DIAPH3: variants seen among roughly 807,000 people sequenced by gnomAD.
The protein encoded by DIAPH3 is diaphanous related formin 3.
DIAPH3 carries 117 observed loss-of-function variants against 144.3 expected under a neutral mutation model. That is an observed-to-expected ratio of 0.81 (90% CI 0.70 to 0.95). DIAPH3 has a LOEUF of 0.95. DIAPH3 is among the 40% of genes least tolerant of loss of function. The pLI, the probability that DIAPH3 is intolerant of heterozygous loss-of-function variation, is 0.00. For missense variants in DIAPH3, 1,421 were observed against 1,412.7 expected (o/e 1.01, Z -0.09); for synonymous variants, 519 against 488.9 (o/e 1.06, Z -0.81).
intron 27 of DIAPH3, among the ~76,000 whole-genome samples, chr13:59,721,535 T>C (rs2035344763): frequency 6.6e-6 from 1 of 152,158 alleles, no homozygotes; most frequent in African/African-American, 2.4e-5. Context: ...AAGAACTAGG[T>C]GAATTGACGG....
At chr13:59,743,180 A>G (rs1413740958) in intron 27 of DIAPH3, among the ~76,000 whole-genome samples, 1 of 152,170 alleles carries the variant, frequency 6.6e-6, no homozygotes, top group Non-Finnish European at 1.5e-5. Context: ...TTTGGCAGTG[A>G]TAGTATGAAG....
chr13:60,056,399 A>G (rs1352994576), intron 4 of DIAPH3, among the ~76,000 whole-genome samples: 1 of 151,792 alleles, frequency 6.6e-6, no homozygotes, highest in African/African-American at 2.4e-5. Flanking sequence ...TGTGTTTTCT[A>G]TACATGGATC....
At chr13:60,144,863 GGT>G (rs1437030261) in intron 1 of DIAPH3, 1 of 152,202 alleles carries the variant, frequency 6.6e-6, no homozygotes, top group African/African-American at 2.4e-5. Flanking sequence ...CTTGATTAGA[GGT>G]GCTACTCTTG....
chr13:59,816,550 T>C (rs2040781219), intron 24 of DIAPH3, among the ~76,000 whole-genome samples: 2 of 151,702 alleles, frequency 1.3e-5, no homozygotes, highest in Admixed American at 6.6e-5. Context: ...TAGCAATATA[T>C]CTAATTAACT....
intron 27 of DIAPH3, among the ~76,000 whole-genome samples, chr13:59,699,703 C>A (rs967137611): frequency 3.3e-5 from 5 of 152,176 alleles, no homozygotes; most frequent in African/African-American, 1.2e-4. Flanking sequence ...CATGCAGTGA[C>A]CTCCTATGGA....
chr13:59,812,890 T>C (rs972183573), intron 24 of DIAPH3, among the ~76,000 whole-genome samples: 7 of 152,188 alleles, frequency 4.6e-5, no homozygotes, highest in Non-Finnish European at 8.8e-5. Flanking sequence ...CAAGCACCTT[T>C]GTTTCGAACT....
At chr13:60,030,569 G>GTAAC (rs2054712677) in intron 5 of DIAPH3, among the ~76,000 whole-genome samples, 2 of 151,960 alleles carry the variant, frequency 1.3e-5, no homozygotes, top group Admixed American at 1.3e-4. Flanking sequence ...CATGTACTCT[G>GTAAC]ATCTTCTCTC....
intron 4 of DIAPH3, among the ~76,000 whole-genome samples, chr13:60,090,471 C>T (rs2057894078): frequency 6.6e-6 from 1 of 151,966 alleles, no homozygotes; most frequent in Admixed American, 6.6e-5. Flanking sequence ...CACTGTTAGA[C>T]ATCAGTACTA....
intron 22 of DIAPH3, among the ~76,000 whole-genome samples, chr13:59,847,672 A>G (rs1259329967): frequency 6.6e-6 from 1 of 152,222 alleles, no homozygotes; most frequent in African/African-American, 2.4e-5. Flanking sequence ...GTGTACATGT[A>G]CATGGGAGGG....
chr13:60,034,882 C>G (rs940343187), intron 5 of DIAPH3: 6 of 152,118 alleles, frequency 3.9e-5, no homozygotes, highest in Non-Finnish European at 8.8e-5. Flanking sequence ...CATACATGAG[C>G]TCTCGTAGTT....
At chr13:59,916,310 G>T in intron 18 of DIAPH3, 61 bp from the exon 19 acceptor site, 1 of 1,231,590 alleles carries the variant, frequency 8.1e-7, no homozygotes, top group Non-Finnish European at 1.2e-6. Flanking sequence ...TATTTCAGAT[G>T]TAGTTCTATT....
chr13:59,775,945 A>G (rs2038391706), intron 25 of DIAPH3, among the ~76,000 whole-genome samples: 2 of 152,228 alleles, frequency 1.3e-5, no homozygotes, highest in African/African-American at 4.8e-5. Flanking sequence ...CAAAGAGAAC[A>G]GGAGAAAAAG....
chr13:59,925,923 C>G (rs1334433838), intron 17 of DIAPH3, among the ~76,000 whole-genome samples: 1 of 151,924 alleles, frequency 6.6e-6, no homozygotes, highest in Non-Finnish European at 1.5e-5. Flanking sequence ...TCTTTTTCTT[C>G]TAATGGTTTA....
At chr13:60,001,330 G>A (rs1324365280) in intron 9 of DIAPH3, among the ~76,000 whole-genome samples, 2 of 152,122 alleles carry the variant, frequency 1.3e-5, no homozygotes, top group Non-Finnish European at 2.9e-5. Flanking sequence ...CATCTCCCAT[G>A]CAAAACATCT....
intron 20 of DIAPH3, among the ~76,000 whole-genome samples, chr13:59,909,482 T>C (rs951705180): frequency 5.3e-5 from 8 of 151,888 alleles, no homozygotes; most frequent in African/African-American, 1.7e-4. Flanking sequence ...AAAGGTAAAA[T>C]CTAAGAACAT....
intron 1 of DIAPH3, among the ~76,000 whole-genome samples, chr13:60,136,972 C>T (rs2059301293): frequency 6.6e-6 from 1 of 152,058 alleles, no homozygotes. Flanking sequence ...AATAACCGTT[C>T]TGTCCACAAG....
Position 59,666,577 on chromosome 13 carries a change from G to A in DIAPH3, c.*7C>T. The A allele has an allele frequency of 6.2e-7, 1 of 1,613,764 alleles. No homozygotes were observed. Among genetic ancestry groups the A allele is most frequent in the Non-Finnish European group, 8.5e-7 (1 of 1,179,902 alleles). The stretch of plus-strand genomic sequence containing the variant: ...GCTTAATCATTTTTTTTAAAAACCA[G>A]TTTAACTTATAAAGCTCGTAATCTT... On this transcript the variant is annotated 3_prime_UTR_variant, in exon 28 of 28. Transcript: ENST00000400324.
intron 4 of DIAPH3, among the ~76,000 whole-genome samples, chr13:60,091,752 T>C (rs1271184789): frequency 1.3e-5 from 2 of 152,176 alleles, no homozygotes; most frequent in African/African-American, 4.8e-5. Context: ...AAACAAACTA[T>C]TGCTACCACC....
intron 20 of DIAPH3, among the ~76,000 whole-genome samples, chr13:59,891,901 TA>T (rs1324840491): frequency 1.3e-5 from 2 of 152,166 alleles, no homozygotes; most frequent in East Asian, 3.9e-4. Flanking sequence ...TTTCTGCAGT[TA>T]TATGAAAATG....
Sources: gnomAD v4.1 joint callset for allele counts (sites outside exome capture counted in the v4.1 genomes callset) on GRCh38, gnomAD v4.1.1 for gene constraint, MANE v1.5 for transcripts, NCBI Gene and HGNC (gene_info 2026-07-23, HGNC 2026-07-21) for gene names.